DNAJC13: variants seen among roughly 807,000 people sequenced by gnomAD.
DNAJC13 encodes DnaJ heat shock protein family (Hsp40) member C13, also known as dnaJ homolog subfamily C member 13.
In DNAJC13, 75 loss-of-function variants were observed where a neutral mutation model predicts 290.5. The observed-to-expected ratio is 0.26, with a 90% CI of 0.21 to 0.31. The LOEUF is 0.31. Among genes scored for constraint, DNAJC13 ranks in the 10% least tolerant of loss-of-function variants. DNAJC13 has a pLI of 1.00. For missense variants in DNAJC13, 2,260 were observed against 2,674.5 expected, an observed-to-expected ratio of 0.85 and a Z score of 3.42; for synonymous variants, 862 against 892.0, an observed-to-expected ratio of 0.97 and a Z score of 0.60.
chr3:132,533,900 C>T (rs1357990188), intron 55 of DNAJC13, among the ~76,000 whole-genome samples: 1 of 152,174 alleles, frequency 6.6e-6, no homozygotes, highest in Non-Finnish European at 1.5e-5. Flanking sequence ...TTGGTCCTCA[C>T]CCCCATCCAC....
chr3:132,453,894 G>T lies in DNAJC13; in HGVS notation c.841-172G>T, dbSNP rs1244638420. 2.0e-5 allele frequency among the ~76,000 whole-genome samples: 3 copies of T among 152,006 alleles called. No individual in the cohort carries two copies. In the East Asian group the frequency reaches 5.8e-4, roughly 29 times the overall value. On this transcript the variant is annotated intron_variant, in intron 8 of 55. Transcript: ENST00000260818. ...TTATTTTCCAAGTATATAAAGAATG[G>T]AACTTATTACTCAACTGAAAATTTG...
chr3:132,483,541 A>G lies in DNAJC13; in HGVS notation c.3146A>G (p.Asn1049Ser). Residue 1049 changes from asparagine (N) to serine (S), a missense_variant, in exon 28 of 56, where the codon AAC becomes AGC. By Grantham distance (46) the Asn-to-Ser change is conservative. This residue lies in a region of DNAJC13 where 1,494 missense variants were observed against 1,693.7 expected (regional missense o/e 0.88). Transcript: ENST00000260818. ...NETDLATLIL[N>S]MLITMCGYFP... ...ACTGACCTTGCTACCCTTATATTGAACATGTTGATCACAATGTGTGGATAT... is the reference window on the plus strand; with the variant it reads ...ACTGACCTTGCTACCCTTATATTGAGCATGTTGATCACAATGTGTGGATAT... The G allele has an allele frequency of 1.2e-6, 2 of 1,614,070 alleles. No individual in the cohort carries two copies. Among genetic ancestry groups the G allele is most frequent in the East Asian group, 2.2e-5 (1 of 44,870 alleles).
intron 21 of DNAJC13, chr3:132,474,112 GGTAGTCT>G (rs1291167061): frequency 6.6e-6 from 1 of 152,134 alleles, no homozygotes; most frequent in African/African-American, 2.4e-5. Flanking sequence ...TTCTTTCTTG[GGTAGTCT>G]GTAAAGTCCT....
chr3:132,518,057 T>C (rs991406072), intron 48 of DNAJC13, among the ~76,000 whole-genome samples: 5 of 151,822 alleles, frequency 3.3e-5, no homozygotes, highest in African/African-American at 1.2e-4. Context: ...TCTTTATTAA[T>C]TTTTTTTATT....
intron 1 of DNAJC13, among the ~76,000 whole-genome samples, chr3:132,428,525 G>T (rs1486820661): frequency 6.6e-6 from 1 of 152,016 alleles, no homozygotes; most frequent in Non-Finnish European, 1.5e-5. Context: ...GCCCAGGCTG[G>T]TCTCAAACTT....
Position 132,434,613 on chromosome 3 carries a change from G to T in DNAJC13, c.63G>T (p.Arg21Ser). 1 of 1,603,072 alleles carries T rather than the reference G, an allele frequency of 6.2e-7. No homozygotes were observed. The highest frequency in any genetic ancestry group is 1.1e-5 in the South Asian group (1 of 88,884). ...TCTACACAACAAAACATTCATGGAG[G>T]GGGAAGTAAGTATTCTTGTTGGGTT... ...ACFYTTKHSWRGKYKRVFSVG... is the reference protein window; with the variant it reads ...ACFYTTKHSWSGKYKRVFSVG... The change falls in exon 2 of 56, where the codon AGG becomes AGT. Residue 21 changes from arginine (R) to serine (S), a missense_variant. Physicochemically the swap from Arg to Ser is moderately radical, Grantham distance 110. Transcript: ENST00000260818.
chr3:132,444,067 C>T (rs1409111771), intron 2 of DNAJC13, among the ~76,000 whole-genome samples: 3 of 152,280 alleles, frequency 2.0e-5, no homozygotes, highest in Admixed American at 1.3e-4. Context: ...GAACTGGGCC[C>T]CACAGCAGGA....
chr3:132,421,116 A>T (rs1464934134), intron 1 of DNAJC13, among the ~76,000 whole-genome samples: 2 of 152,206 alleles, frequency 1.3e-5, no homozygotes, highest in Non-Finnish European at 2.9e-5. Flanking sequence ...AAAAAAAGTT[A>T]TAAGATGGAG....
intron 1 of DNAJC13, among the ~76,000 whole-genome samples, chr3:132,422,835 AAG>A (rs1938997135): frequency 6.6e-6 from 1 of 152,204 alleles, no homozygotes; most frequent in Non-Finnish European, 1.5e-5. Context: ...ACTTGTGAAA[AAG>A]AGTGAGCTTT....
chr3:132,449,857 C>T (rs1933366794), intron 5 of DNAJC13, among the ~76,000 whole-genome samples: 1 of 152,074 alleles, frequency 6.6e-6, no homozygotes. Flanking sequence ...ACATCTGAAA[C>T]TTTGTTATCC....
intron 55 of DNAJC13, among the ~76,000 whole-genome samples, chr3:132,535,344 C>T (rs1936557952): frequency 6.6e-6 from 1 of 152,146 alleles, no homozygotes; most frequent in African/African-American, 2.4e-5. Flanking sequence ...TGCCTATTTC[C>T]ATAGGTTCTC....
At chr3:132,438,262 T>G (rs546038917) in intron 2 of DNAJC13, among the ~76,000 whole-genome samples, 18 of 152,344 alleles carry the variant, frequency 1.2e-4, no homozygotes, top group Admixed American at 9.1e-4. Flanking sequence ...TGAAAGAGTT[T>G]ACATTTTCCA....
intron 5 of DNAJC13, among the ~76,000 whole-genome samples, chr3:132,448,869 C>G (rs1933333165): frequency 6.6e-6 from 1 of 152,110 alleles, no homozygotes; most frequent in South Asian, 2.1e-4. Flanking sequence ...CCTGATGAGC[C>G]ATGGTCAAAT....
chr3:132,505,302 A>G lies in DNAJC13; in HGVS notation c.4885A>G (p.Ile1629Val), dbSNP rs1488063795. 1.8e-5 allele frequency: 29 copies of G among 1,578,524 alleles called. No homozygotes were observed. The highest frequency in any genetic ancestry group is 2.5e-5 in the Non-Finnish European group (29 of 1,153,318). The change falls in exon 42 of 56, where the codon ATT becomes GTT. Residue 1629 changes from isoleucine to valine, a missense_variant and splice_region_variant. Transcript: ENST00000260818. ...RKLAVASVTEILKMLNSNTES... is the reference protein window; with the variant it reads ...RKLAVASVTEVLKMLNSNTES... ...ATAAAACGGTAATATTGTCTCCTAGATTTTGAAGATGCTTAACAGCAACAC... is the reference window on the plus strand; with the variant it reads ...ATAAAACGGTAATATTGTCTCCTAGGTTTTGAAGATGCTTAACAGCAACAC...
intron 1 of DNAJC13, among the ~76,000 whole-genome samples, chr3:132,420,090 A>C (rs1193157315): frequency 6.6e-6 from 1 of 152,230 alleles, no homozygotes; most frequent in East Asian, 1.9e-4. Context: ...GTGCTTACAG[A>C]GAGTAGATGT....
At chr3:132,470,789 A>G (rs1422526285) in intron 20 of DNAJC13, among the ~76,000 whole-genome samples, 4 of 110,210 alleles carry the variant, frequency 3.6e-5, no homozygotes, top group Non-Finnish European at 5.7e-5. Flanking sequence ...GGCCGGGCGG[A>G]GGGCTGACCC....
intron 54 of DNAJC13, 145 bp from the exon 55 acceptor site, chr3:132,530,853 G>A (rs1415540372): frequency 3.1e-6 from 2 of 640,114 alleles, no homozygotes; most frequent in African/African-American, 3.7e-5. Flanking sequence ...GCTATGGAGT[G>A]TTTGATGAAT....
chr3:132,488,905 C>A, intron 30 of DNAJC13, 71 bp from the exon 31 acceptor site: 1 of 1,174,146 alleles, frequency 8.5e-7, no homozygotes, highest in Non-Finnish European at 1.3e-6. Context: ...AAGATCTAGT[C>A]TTTAGAAAAC....
At chr3:132,418,102 TC>T (rs1001324248) in intron 1 of DNAJC13, among the ~76,000 whole-genome samples, 15 of 152,124 alleles carry the variant, frequency 9.9e-5, no homozygotes, top group Non-Finnish European at 1.6e-4. Context: ...GGGATTCCCT[TC>T]CAGTCTCCTA....
Sources: allele counts gnomAD v4.1 joint callset (sites outside exome capture counted in the v4.1 genomes callset), GRCh38; gene constraint gnomAD v4.1.1; regional missense constraint gnomAD v4.1.1; transcripts MANE v1.5; gene names NCBI Gene and HGNC (gene_info 2026-07-23, HGNC 2026-07-21).